PCDH15: variants seen among roughly 807,000 people sequenced by gnomAD.
The protein encoded by PCDH15 is protocadherin-15.
A neutral mutation model predicts 178.5 loss-of-function variants in PCDH15; 129 were observed. The observed-to-expected ratio is 0.72, with a 90% CI of 0.63 to 0.84. The LOEUF is 0.84. Among genes scored for constraint, PCDH15 ranks in the 40% least tolerant of loss-of-function variants. PCDH15 has a pLI of 0.00. For missense variants in PCDH15, 2,230 were observed against 2,099.9 expected (o/e 1.06, Z -1.21); for synonymous variants, 800 against 732.0 (o/e 1.09, Z -1.50).
chr10:53,814,319 A>G (rs1476351502), intron 35 of PCDH15, among the ~76,000 whole-genome samples: 1 of 152,192 alleles, frequency 6.6e-6, no homozygotes, highest in Non-Finnish European at 1.5e-5. Flanking sequence ...TCAAGTAAAT[A>G]TTTATGGAGA....
chr10:55,269,867 C>T (rs918863967), intron 1 of PCDH15, among the ~76,000 whole-genome samples: 10 of 152,092 alleles, frequency 6.6e-5, no homozygotes, highest in Admixed American at 6.5e-4. Flanking sequence ...ATCACATTTC[C>T]CAGTGTCAAA....
chr10:55,056,610 TTTATTATTATTA>T (rs60186759), intron 2 of PCDH15, among the ~76,000 whole-genome samples: 15 of 142,992 alleles, frequency 1.0e-4, no homozygotes, highest in Middle Eastern at 3.3e-3. Context: ...TTTATTTTGT[TTTATTATTATTA>T]TTATTATTAT....
At chr10:55,448,634 A>T (rs1839369161) in intron 2 of PCDH15, among the ~76,000 whole-genome samples, 1 of 152,004 alleles carries the variant, frequency 6.6e-6, no homozygotes, top group Admixed American at 6.6e-5. Flanking sequence ...TAACTACGGA[A>T]ATGTATTTAT....
chr10:54,846,343 C>G (rs1486281768), intron 3 of PCDH15, among the ~76,000 whole-genome samples: 1 of 152,076 alleles, frequency 6.6e-6, no homozygotes, highest in African/African-American at 2.4e-5. Context: ...TGTGTGTGGC[C>G]ACTTCAATGG....
At chr10:54,156,252 A>G (rs935359563) in intron 13 of PCDH15, among the ~76,000 whole-genome samples, 27 of 152,112 alleles carry the variant, frequency 1.8e-4, no homozygotes, top group African/African-American at 6.3e-4. Context: ...CAGTGTTTCA[A>G]CATGTGCATA....
intron 3 of PCDH15, among the ~76,000 whole-genome samples, chr10:54,457,776 A>C (rs976057845): frequency 1.3e-5 from 2 of 152,196 alleles, no homozygotes; most frequent in Non-Finnish European, 2.9e-5. Context: ...TAGGAACACA[A>C]AACTATGTGC....
chr10:54,287,371 G>A (rs866835368), intron 8 of PCDH15, among the ~76,000 whole-genome samples: 2 of 152,130 alleles, frequency 1.3e-5, no homozygotes, highest in African/African-American at 4.8e-5. Context: ...AGTACATGAA[G>A]ACAGAAATAT....
chr10:55,303,735 CTA>C (rs1373482757), intron 1 of PCDH15, among the ~76,000 whole-genome samples: 1 of 151,576 alleles, frequency 6.6e-6, no homozygotes, highest in African/African-American at 2.4e-5. Flanking sequence ...CTTTTGATAT[CTA>C]TAGAGTCTTT....
At chr10:55,316,908 TC>T (rs1843735641) in intron 1 of PCDH15, among the ~76,000 whole-genome samples, 2 of 152,178 alleles carry the variant, frequency 1.3e-5, no homozygotes, top group Admixed American at 6.5e-5. Context: ...TACTGAGCTT[TC>T]CCCCAGCACT....
At chr10:55,529,741 GTATATATATA>G (rs56254743) in intron 2 of PCDH15, among the ~76,000 whole-genome samples, 1,309 of 62,748 alleles carry the variant, frequency 0.021, 58 homozygotes, top group African/African-American at 0.064. Flanking sequence ...TTGTCTGTGA[GTATATATATA>G]TATATATATA....
intron 1 of PCDH15, among the ~76,000 whole-genome samples, chr10:55,271,529 C>T (rs184721410): frequency 6.6e-5 from 10 of 152,160 alleles, no homozygotes; most frequent in African/African-American, 2.2e-4. Flanking sequence ...TTGCTATCAA[C>T]ATTTTCATAT....
chr10:54,472,523 C>G (rs1237723155), intron 3 of PCDH15, among the ~76,000 whole-genome samples: 1 of 152,026 alleles, frequency 6.6e-6, no homozygotes, highest in Non-Finnish European at 1.5e-5. Context: ...TATGAAACAA[C>G]AGAAATTCCT....
intron 1 of PCDH15, among the ~76,000 whole-genome samples, chr10:55,251,306 T>C (rs966591399): frequency 6.6e-6 from 1 of 152,098 alleles, no homozygotes; most frequent in Non-Finnish European, 1.5e-5. Context: ...ATAAGGATTA[T>C]TTTTATTGTC....
chr10:55,088,472 C>T (rs1842233462), intron 2 of PCDH15, among the ~76,000 whole-genome samples: 1 of 151,892 alleles, frequency 6.6e-6, no homozygotes, highest in Non-Finnish European at 1.5e-5. Context: ...TGTGGTCTTA[C>T]CCTGTTGGCC....
At chr10:54,169,902 A>G (rs1046197370) in intron 13 of PCDH15, among the ~76,000 whole-genome samples, 3 of 151,068 alleles carry the variant, frequency 2.0e-5, no homozygotes, top group African/African-American at 7.3e-5. Flanking sequence ...TCTGCGCCTT[A>G]TCAACCAAAT....
At chr10:54,607,925 CA>C in intron 2 of PCDH15, 1 of 515,408 alleles carries the variant, frequency 1.9e-6, no homozygotes. Flanking sequence ...AAAGTAATGT[CA>C]AAAACTGTGA....
At chr10:54,307,042 A>G (rs56829846) in intron 8 of PCDH15, among the ~76,000 whole-genome samples, 3,290 of 16,944 alleles carry the variant, frequency 0.19, 331 homozygotes, top group Non-Finnish European at 0.22. Flanking sequence ...GTGTGTGTGT[A>G]TATATATATA....
chr10:55,528,085 G>C (rs1394946942), intron 2 of PCDH15, among the ~76,000 whole-genome samples: 1 of 151,926 alleles, frequency 6.6e-6, no homozygotes, highest in Non-Finnish European at 1.5e-5. Context: ...TGCCCAAGCA[G>C]CAGGGCAGTG....
At chr10:54,566,017 G>A (rs1194253040) in intron 2 of PCDH15, among the ~76,000 whole-genome samples, 1 of 152,198 alleles carries the variant, frequency 6.6e-6, no homozygotes. Context: ...CTGGGAAGCG[G>A]AGTTTGCAGC....
Sources: allele counts gnomAD v4.1 joint callset (sites outside exome capture counted in the v4.1 genomes callset), GRCh38; gene constraint gnomAD v4.1.1; transcripts MANE v1.5; gene names NCBI Gene and HGNC (gene_info 2026-07-23, HGNC 2026-07-21).